PRICKLE2: variants seen among roughly 807,000 people sequenced by gnomAD.
PRICKLE2 encodes prickle planar cell polarity protein 2, also known as prickle-like protein 2.
Under a neutral mutation model 81.4 loss-of-function variants are expected in PRICKLE2, and 21 were observed. The observed-to-expected ratio is 0.26, with a 90% CI of 0.18 to 0.37. The LOEUF (loss-of-function observed/expected upper bound fraction) is 0.37, where lower values mean the gene tolerates loss of function less well. PRICKLE2 is among the 10% of genes least tolerant of loss of function. The pLI is 1.00. For synonymous variants in PRICKLE2, 456 were observed against 421.5 expected (o/e 1.08, Z -1.00); for missense variants, 940 against 1,109.0 (o/e 0.85, Z 2.16).
In PRICKLE2 at chr3:64,210,569, T is replaced by C. The variant is rs1338976510; in HGVS notation, c.-40-11602A>G. On this transcript the variant is annotated intron_variant, in intron 1 of 7. Coordinates refer to ENST00000638394, the MANE Select transcript of PRICKLE2 (RefSeq NM_198859.4). ...GGCTCTGGCCATCTGCACCAAGAAG[T>C]GCTTCTCTCTCCCAGGGGTTGCTGA... Among the ~76,000 whole-genome samples, 3 of 152,302 alleles carry C rather than the reference T, an allele frequency of 2.0e-5. No individual in the cohort carries two copies. The East Asian group carries it at 5.8e-4, about 29-fold the overall frequency.
chr3:64,226,913 T>C (rs1035422203), upstream of PRICKLE2, among the ~76,000 whole-genome samples: 11 of 152,160 alleles, frequency 7.2e-5, no homozygotes, highest in Non-Finnish European at 1.6e-4. Flanking sequence ...TATTCCATCA[T>C]GCACAGAAGT....
intron 2 of PRICKLE2, among the ~76,000 whole-genome samples, chr3:64,169,747 T>G (rs2077898595): frequency 6.6e-6 from 1 of 152,206 alleles, no homozygotes; most frequent in Non-Finnish European, 1.5e-5. Flanking sequence ...ATTCGAACAC[T>G]GATCCTTTAT....
chr3:64,223,118 G>A (rs2078981033), intron 1 of PRICKLE2, among the ~76,000 whole-genome samples: 1 of 152,184 alleles, frequency 6.6e-6, no homozygotes, highest in African/African-American at 2.4e-5. Flanking sequence ...CCTTTCTGCA[G>A]GCAAATGGAT....
chr3:64,119,042 A>G (rs927570271), intron 7 of PRICKLE2, among the ~76,000 whole-genome samples: 2 of 152,208 alleles, frequency 1.3e-5, no homozygotes, highest in Non-Finnish European at 2.9e-5. Flanking sequence ...ATGCAGCCAT[A>G]AAAAAGAATG....
chr3:64,147,302 G>C lies in PRICKLE2; in HGVS notation c.1188C>G (p.Ser396Arg), dbSNP rs2077472633. 6.2e-7 allele frequency: 1 copy of C among 1,613,552 alleles called. No homozygotes were observed. Among genetic ancestry groups the C allele is most frequent in the Admixed American group, 1.7e-5 (1 of 60,006 alleles). Residue 396 changes from serine (S) to arginine (R), a missense_variant, in exon 7 of 8, where the codon AGC (serine) becomes AGG (arginine). Physicochemically the swap from Ser to Arg is moderately radical, Grantham distance 110. Around this residue, in one of 2 missense-constraint regions of PRICKLE2, gnomAD observed 670 missense variants for 717.2 expected, o/e 0.93. Coordinates refer to ENST00000638394, the MANE Select transcript of PRICKLE2 (RefSeq NM_198859.4). This position sits in a 1 kb window ranked among gnomAD's most constrained non-coding sequence, Gnocchi z 5.0. ...PSLNRDPIWRSREEPYHYGNK... is the reference protein window; with the variant it reads ...PSLNRDPIWRRREEPYHYGNK... ...TCCCATAATGGTAGGGCTCTTCCCG[G>C]CTCCTCCAGATGGGGTCCCGGTTGA...
rs1319372954 is a variant in PRICKLE2, at chr3:64,099,128, T to G, written c.2458A>C (p.Lys820Gln). The change falls in exon 8 of 8, where the codon AAA becomes CAA. Residue 820 changes from lysine to glutamine, a missense_variant. Transcript: ENST00000638394. This position sits in a 1 kb window ranked among gnomAD's most constrained non-coding sequence, Gnocchi z 4.3. Reference protein sequence around the residue: ...LHKYSSYGLPKSSTLGGRGQL... With the variant: ...LHKYSSYGLPQSSTLGGRGQL... Reference sequence around the variant, plus strand: ...CCTCTGCCACCTAATGTGGAAGATTTGGGGAGGCCGTAGGAGCTGTATTTG... The same window carrying G: ...CCTCTGCCACCTAATGTGGAAGATTGGGGGAGGCCGTAGGAGCTGTATTTG... The G allele has an allele frequency of 6.2e-7, 1 of 1,614,102 alleles. No homozygotes were observed. The highest frequency in any genetic ancestry group is 1.3e-5 in the African/African-American group (1 of 74,936).
At chr3:64,174,929 A>T (rs1217470689) in intron 2 of PRICKLE2, 2 of 205,148 alleles carry the variant, frequency 9.7e-6, no homozygotes, top group Admixed American at 4.4e-5. Context: ...TTGCACTAAG[A>T]GGAGTCTTCA....
chr3:64,143,138 G>C (rs1373929696), intron 7 of PRICKLE2, among the ~76,000 whole-genome samples: 1 of 152,130 alleles, frequency 6.6e-6, no homozygotes, highest in Non-Finnish European at 1.5e-5. Context: ...TCTAGCCACA[G>C]GAGGCTATTG....
intron 7 of PRICKLE2, chr3:64,101,126 T>C (rs766267964): frequency 2.0e-5 from 3 of 152,210 alleles, no homozygotes; most frequent in Non-Finnish European, 4.4e-5. Context: ...CCTTGGCCAT[T>C]TTTTGTGGAC....
chr3:64,213,638 C>G (rs535501754), intron 1 of PRICKLE2, among the ~76,000 whole-genome samples: 31 of 152,216 alleles, frequency 2.0e-4, no homozygotes, highest in African/African-American at 7.5e-4. Context: ...ACTCATTTTC[C>G]CCTGAGCCCA....
intron 2 of PRICKLE2, among the ~76,000 whole-genome samples, chr3:64,165,999 TG>T (rs1559552037): frequency 0.022 from 1,994 of 92,572 alleles, 19 homozygotes; most frequent in Non-Finnish European, 0.026. Flanking sequence ...TGTGTGTGTG[TG>T]TGTGTGTGTG....
At chr3:64,100,765 G>A (rs184334271) in intron 7 of PRICKLE2, 2 of 152,330 alleles carry the variant, frequency 1.3e-5, no homozygotes, top group Non-Finnish European at 2.9e-5. Context: ...GAAGGTAGTG[G>A]GAGATACTGA....
At chr3:64,165,670 G>A (rs540057288) in intron 2 of PRICKLE2, among the ~76,000 whole-genome samples, 1 of 152,196 alleles carries the variant, frequency 6.6e-6, no homozygotes, top group East Asian at 1.9e-4. Context: ...ACCATGCCTG[G>A]CTAATTTTTA....
chr3:64,127,876 T>G (rs1171736251), intron 7 of PRICKLE2, among the ~76,000 whole-genome samples: 1 of 152,062 alleles, frequency 6.6e-6, no homozygotes, highest in Admixed American at 6.6e-5. Flanking sequence ...GAGACTCAGC[T>G]GCCTATCTTG....
intron 2 of PRICKLE2, among the ~76,000 whole-genome samples, chr3:64,253,937 ACT>A (rs1452925319): frequency 2.0e-5 from 3 of 152,130 alleles, no homozygotes; most frequent in Non-Finnish European, 4.4e-5. Context: ...GCACTGTCGC[ACT>A]CTCTGAAACC....
chr3:64,263,021 G>A (rs2079639869), intron 2 of PRICKLE2, among the ~76,000 whole-genome samples: 1 of 152,180 alleles, frequency 6.6e-6, no homozygotes, highest in African/African-American at 2.4e-5. Flanking sequence ...GCAACATCAA[G>A]CCTCAATGGG....
chr3:64,130,207 C>T (rs1258718747), intron 7 of PRICKLE2, among the ~76,000 whole-genome samples: 5 of 152,182 alleles, frequency 3.3e-5, no homozygotes, highest in Admixed American at 2.0e-4. Flanking sequence ...GCTATCACAA[C>T]GTTAACATCT....
chr3:64,200,468 G>GT (rs1023749783), intron 1 of PRICKLE2: 1 of 152,044 alleles, frequency 6.6e-6, no homozygotes. Context: ...GTTTTGTTTT[G>GT]TTTTTTGAGA....
At chr3:64,143,993 T>C (rs1270178828) in intron 7 of PRICKLE2, among the ~76,000 whole-genome samples, 1 of 151,324 alleles carries the variant, frequency 6.6e-6, no homozygotes, top group Admixed American at 6.6e-5. Flanking sequence ...GATGAGGATA[T>C]CTACTCTTTG....
Sources: allele counts gnomAD v4.1 joint callset (sites outside exome capture counted in the v4.1 genomes callset), GRCh38; gene constraint gnomAD v4.1.1; regional missense constraint gnomAD v4.1.1; non-coding constraint Gnocchi (gnomAD v3.1); transcripts MANE v1.5; gene names NCBI Gene and HGNC (gene_info 2026-07-23, HGNC 2026-07-21).